SLC9A4: variants seen among roughly 807,000 people sequenced by gnomAD.
SLC9A4 encodes the protein solute carrier family 9 member A4.
A neutral mutation model predicts 67.4 loss-of-function variants in SLC9A4; 63 were observed. The observed-to-expected ratio is 0.93, with a 90% CI of 0.76 to 1.15. The LOEUF (loss-of-function observed/expected upper bound fraction) is 1.15. Ranked by LOEUF, SLC9A4 falls within the 50% of genes most tolerant of loss-of-function variation. The pLI is 0.00. For synonymous variants in SLC9A4, 393 were observed against 367.2 expected (o/e 1.07, Z -0.80); for missense variants, 1,089 against 987.7 (o/e 1.10, Z -1.38).
intron 9 of SLC9A4, 63 bp from the exon 10 acceptor site, chr2:102,524,961 C>T: frequency 6.3e-7 from 1 of 1,596,246 alleles, no homozygotes; most frequent in Non-Finnish European, 8.6e-7. Flanking sequence ...GTTTCCATGG[C>T]TTCCTTGGCT....
intron 8 of SLC9A4, among the ~76,000 whole-genome samples, chr2:102,518,808 T>G (rs1271301588): frequency 3.9e-5 from 6 of 152,120 alleles, no homozygotes; most frequent in Non-Finnish European, 8.8e-5. Flanking sequence ...CAAGCAGATA[T>G]CAAAGGCTTC....
At chr2:102,501,326 GCCC>G (rs1684935786) in intron 2 of SLC9A4, among the ~76,000 whole-genome samples, 4 of 152,054 alleles carry the variant, frequency 2.6e-5, no homozygotes, top group South Asian at 2.1e-4. Context: ...TCACCACGTT[GCCC>G]TGGCTGGTCT....
chr2:102,512,686 A>C (rs1237644939), intron 7 of SLC9A4, among the ~76,000 whole-genome samples: 1 of 152,156 alleles, frequency 6.6e-6, no homozygotes, highest in Non-Finnish European at 1.5e-5. Context: ...GCCATGGTGG[A>C]AGATCTTTAA....
In SLC9A4 at chr2:102,525,285, C is replaced by A; in HGVS notation, c.1950+130C>A. The A allele has an allele frequency of 2.1e-6, 3 of 1,405,118 alleles. No individual in the cohort carries two copies. The South Asian group carries it at 4.1e-5, about 19-fold the overall frequency. The allele number at this position is 1,405,118 out of a possible 1,614,324, so 87.0% of individuals were successfully genotyped here. A position where few individuals can be genotyped will look rare whatever the true frequency, so the allele number is the denominator to read the frequency against. On this transcript the variant is annotated intron_variant, in intron 10 of 11. Transcript: ENST00000295269. ...AAACAAACAAAACCCCACCTTGTTA[C>A]CTGAGAGATACTAAAGCAAGAGTGC... is the stretch of plus-strand genomic sequence containing the variant.
chr2:102,504,437 A>C (rs562276896), intron 3 of SLC9A4, among the ~76,000 whole-genome samples: 3 of 152,356 alleles, frequency 2.0e-5, no homozygotes, highest in Admixed American at 1.3e-4. Context: ...TGTGTGATGA[A>C]ACTAGACAGA....
At chr2:102,526,385 G>C in intron 11 of SLC9A4, 39 bp downstream of exon 11, 3 of 1,591,960 alleles carry the variant, frequency 1.9e-6, no homozygotes, top group East Asian at 2.2e-5. Context: ...CTTTTCTGTA[G>C]AGTCAGGTGG....
chr2:102,487,019 C>T (rs1246539911), intron 2 of SLC9A4, among the ~76,000 whole-genome samples: 1 of 152,190 alleles, frequency 6.6e-6, no homozygotes, highest in Non-Finnish European at 1.5e-5. Flanking sequence ...GTGAGGCTCT[C>T]CCCTGGGGCT....
chr2:102,490,336 A>G (rs73944362), intron 2 of SLC9A4, among the ~76,000 whole-genome samples: 1,532 of 152,322 alleles, frequency 0.01, 24 homozygotes, highest in African/African-American at 0.034. Flanking sequence ...CTTTCACATT[A>G]TGGAGGTTGG....
intron 8 of SLC9A4, among the ~76,000 whole-genome samples, chr2:102,518,467 C>A (rs1231629079): frequency 6.6e-6 from 1 of 152,052 alleles, no homozygotes; most frequent in African/African-American, 2.4e-5. Flanking sequence ...GGTTTAAATG[C>A]CCTGATAATA....
chr2:102,496,286 A>C (rs565140741), intron 2 of SLC9A4, among the ~76,000 whole-genome samples: 1 of 152,352 alleles, frequency 6.6e-6, no homozygotes, highest in African/African-American at 2.4e-5. Context: ...GCAACATAGT[A>C]ATCAGGGAAA....
intron 2 of SLC9A4, among the ~76,000 whole-genome samples, chr2:102,501,322 C>T (rs866649551): frequency 1.3e-5 from 2 of 152,122 alleles, no homozygotes; most frequent in South Asian, 2.1e-4. Context: ...GGTTTCACCA[C>T]GTTGCCCTGG....
intron 2 of SLC9A4, among the ~76,000 whole-genome samples, chr2:102,498,923 A>G (rs1684865287): frequency 1.3e-5 from 2 of 152,232 alleles, no homozygotes. Flanking sequence ...TTAAATGTAC[A>G]AGAGTTTTAC....
At chr2:102,516,664 C>T (rs1685283676) in intron 8 of SLC9A4, among the ~76,000 whole-genome samples, 1 of 152,130 alleles carries the variant, frequency 6.6e-6, no homozygotes, top group Admixed American at 6.5e-5. Context: ...TTTTTGGAAT[C>T]CCATTGCTTT....
At chr2:102,496,199 G>A (rs7591878) in intron 2 of SLC9A4, among the ~76,000 whole-genome samples, 117,071 of 151,922 alleles carry the variant, frequency 0.77, 46,238 homozygotes, top group African/African-American at 0.92. Flanking sequence ...CAGCTCAATT[G>A]AAAATAAGAA....
intron 2 of SLC9A4, among the ~76,000 whole-genome samples, chr2:102,486,748 T>G (rs111335640): frequency 3.0e-4 from 46 of 152,088 alleles, no homozygotes; most frequent in Admixed American, 5.9e-4. Flanking sequence ...AAAGGGTGAT[T>G]GTGAGGATGT....
Position 102,532,568 on chromosome 2 carries a change from G to T in SLC9A4, c.2277G>T (p.Glu759Asp). The T allele has an allele frequency of 1.2e-6, 2 of 1,614,080 alleles. No homozygotes were observed. Among genetic ancestry groups the T allele is most frequent in the South Asian group, 2.2e-5 (2 of 91,068 alleles). ...PLFHAVDEEG[E>D]SGGESEGKAS... ...TTCATGCAGTGGATGAGGAGGGTGA[G>T]TCTGGAGGGGAGAGTGAGGGCAAGG... Residue 759 changes from glutamate (E) to aspartate (D), a missense_variant, in exon 12 of 12, where the codon GAG becomes GAT. Coordinates refer to ENST00000295269, the MANE Select transcript of SLC9A4 (RefSeq NM_001011552.4).
intron 3 of SLC9A4, 85 bp downstream of exon 3, chr2:102,503,792 C>A: frequency 6.6e-7 from 1 of 1,520,782 alleles, no homozygotes; most frequent in South Asian, 1.3e-5. Flanking sequence ...CTGGGAAAGA[C>A]ATAACCAATG....
intron 6 of SLC9A4, among the ~76,000 whole-genome samples, chr2:102,510,860 G>C (rs541773928): frequency 6.6e-6 from 1 of 152,336 alleles, no homozygotes; most frequent in Non-Finnish European, 1.5e-5. Context: ...CTATTTGTTT[G>C]TTCAAGTTCA....
At chr2:102,530,178 G>A (rs1486278966) in intron 11 of SLC9A4, among the ~76,000 whole-genome samples, 3 of 152,336 alleles carry the variant, frequency 2.0e-5, no homozygotes, top group East Asian at 1.9e-4. Flanking sequence ...TCTGAACAGT[G>A]TATCCTGCAT....
Sources: gnomAD v4.1 joint callset for allele counts (sites outside exome capture counted in the v4.1 genomes callset) on GRCh38, gnomAD v4.1.1 for gene constraint, MANE v1.5 for transcripts, NCBI Gene and HGNC (gene_info 2026-07-23, HGNC 2026-07-21) for gene names.